COG6: variants seen among roughly 807,000 people sequenced by gnomAD.
COG6 encodes the protein conserved oligomeric Golgi complex subunit 6.
In COG6, 74 loss-of-function variants were observed where a neutral mutation model predicts 88.8. The observed-to-expected ratio is 0.83, with a 90% CI of 0.69 to 1.01. The LOEUF (loss-of-function observed/expected upper bound fraction) is 1.01. Among genes scored for constraint, COG6 ranks in the 50% least tolerant of loss-of-function variants. The pLI is 0.00. For synonymous variants in COG6, 286 were observed against 278.7 expected (o/e 1.03, Z -0.26); for missense variants, 800 against 797.9 (o/e 1.00, Z -0.03).
At chr13:39,708,650 C>T (rs924477398) in intron 13 of COG6, among the ~76,000 whole-genome samples, 16 of 151,992 alleles carry the variant, frequency 1.1e-4, no homozygotes, top group African/African-American at 3.6e-4. Context: ...TTGCCTTTGG[C>T]CTTGATCCGT....
intron 18 of COG6, among the ~76,000 whole-genome samples, chr13:39,772,843 C>G (rs532333094): frequency 6.6e-6 from 1 of 152,252 alleles, no homozygotes; most frequent in African/African-American, 2.4e-5. Context: ...CCAAATGTTC[C>G]AGCCAGAGGC....
At chr13:39,789,482 T>TCTGCTCCACCCTGACTCATTCCAATCAC (rs1881874035) in exon 19 of COG6, 1 of 152,070 alleles carries the variant, frequency 6.6e-6, no homozygotes, top group Non-Finnish European at 1.5e-5. Flanking sequence ...TTTGCGATCA[T>TCTGCTCCACCCTGACTCATTCCAATCAC]CTGCTCCACC....
Position 39,751,213 on chromosome 13 carries a change from T to TGTAA in COG6, c.*123_*126dup. ...TACAGTTTTCTTTGTATCATAAGAT[T>TGTAA]GTAAGTCCCGATAATTTTTTTTTTT... On this transcript the variant is annotated 3_prime_UTR_variant, in exon 19 of 19. Transcript: ENST00000455146. 1 of 1,526,712 alleles carries TGTAA rather than the reference T, an allele frequency of 6.6e-7. No individual in the cohort carries two copies. The highest frequency in any genetic ancestry group is 8.8e-7 in the Non-Finnish European group (1 of 1,140,320). 94.6% of individuals were successfully genotyped at this position (1,526,712 alleles called of 1,614,324 possible).
At chr13:39,708,534 C>T (rs1262284356) in intron 13 of COG6, among the ~76,000 whole-genome samples, 1 of 152,160 alleles carries the variant, frequency 6.6e-6, no homozygotes, top group Non-Finnish European at 1.5e-5. Flanking sequence ...TTTAGGCCTT[C>T]AATCCATCTC....
At chr13:39,740,602 A>G (rs918059642) in intron 18 of COG6, among the ~76,000 whole-genome samples, 5 of 152,068 alleles carry the variant, frequency 3.3e-5, no homozygotes. Context: ...CTGTGTTGAG[A>G]TTATTTTATT....
chr13:39,782,089 C>G (rs1011809493), intron 18 of COG6, among the ~76,000 whole-genome samples: 4 of 152,166 alleles, frequency 2.6e-5, no homozygotes, highest in South Asian at 2.1e-4. Context: ...ACAGAACAAG[C>G]AACCACACAT....
chr13:39,764,319 CTTGG>C (rs1881105458), intron 18 of COG6, among the ~76,000 whole-genome samples: 1 of 125,934 alleles, frequency 7.9e-6, no homozygotes, highest in Admixed American at 9.5e-5. Context: ...CTATGTTTTA[CTTGG>C]TTGATTTTTT....
At chr13:39,764,447 ATAT>A (rs1881109402) in intron 18 of COG6, among the ~76,000 whole-genome samples, 1 of 150,772 alleles carries the variant, frequency 6.6e-6, no homozygotes, top group African/African-American at 2.4e-5. Flanking sequence ...ATGGAAGCTT[ATAT>A]TATTGATTTT....
In COG6 at chr13:39,751,425, A is replaced by G. The variant is rs1880627201; in HGVS notation, c.*332A>G. The G allele has an allele frequency of 7.8e-7, 1 of 1,285,000 alleles. No individual in the cohort carries two copies. Among genetic ancestry groups the G allele is most frequent in the Admixed American group, 2.3e-5 (1 of 43,492 alleles). 79.6% of individuals were successfully genotyped at this position (1,285,000 alleles called of 1,614,324 possible). A position where few individuals can be genotyped will look rare whatever the true frequency, so the allele number is the denominator to read the frequency against. On this transcript the variant is annotated 3_prime_UTR_variant, in exon 19 of 19. Transcript: ENST00000455146. ...TTTTTTTTTACAAGACTAGTTCTAA[A>G]TTAACAGCTTATAAAAAATTTGTCT...
chr13:39,721,945 G>A (rs955395704), intron 15 of COG6, among the ~76,000 whole-genome samples: 7 of 151,922 alleles, frequency 4.6e-5, no homozygotes, highest in African/African-American at 1.7e-4. Context: ...TTGCATCTTG[G>A]ACTTTGGAGA....
intron 18 of COG6, among the ~76,000 whole-genome samples, chr13:39,766,561 C>T (rs1050818056): frequency 3.3e-5 from 5 of 152,050 alleles, no homozygotes; most frequent in Admixed American, 6.5e-5. Context: ...CCATCCCATA[C>T]TCCCTCCTAA....
At chr13:39,778,255 A>G (rs1012634164) in intron 18 of COG6, among the ~76,000 whole-genome samples, 14 of 152,218 alleles carry the variant, frequency 9.2e-5, no homozygotes, top group Non-Finnish European at 1.5e-5. Flanking sequence ...CTGACTAATT[A>G]TAATTGTAAC....
intron 12 of COG6, among the ~76,000 whole-genome samples, chr13:39,698,733 C>T (rs1265498955): frequency 1.3e-5 from 2 of 151,620 alleles, no homozygotes; most frequent in East Asian, 1.9e-4. Context: ...ATTATAATTC[C>T]TTACTGGATT....
In COG6 at chr13:39,723,373, C is replaced by T. The variant is rs1878955727; in HGVS notation, c.1625C>T (p.Ser542Phe). 2 of 1,611,654 alleles carry T rather than the reference C, an allele frequency of 1.2e-6. No homozygotes were observed. Among genetic ancestry groups the T allele is most frequent in the Admixed American group, 1.7e-5 (1 of 59,882 alleles). ...GACACACTTATAAATGAGCAAGCCT[C>T]TTATGTTTTAACTAGGGTAGGCTTG... ...HLDTLINEQASYVLTRVGLSY... is the reference protein window; with the variant it reads ...HLDTLINEQAFYVLTRVGLSY... Residue 542 changes from serine to phenylalanine, a missense_variant, in exon 16 of 19, where the codon TCT (serine) becomes TTT (phenylalanine). Ser to Phe is a radical substitution (Grantham distance 155). Transcript: ENST00000455146.
chr13:39,775,704 A>C (rs541267236), intron 18 of COG6, among the ~76,000 whole-genome samples: 2 of 152,288 alleles, frequency 1.3e-5, no homozygotes, highest in South Asian at 4.1e-4. Flanking sequence ...AAATTAAAGC[A>C]TCTGGAATCC....
At chr13:39,658,610 T>G (rs1241263060) in intron 1 of COG6, among the ~76,000 whole-genome samples, 1 of 152,238 alleles carries the variant, frequency 6.6e-6, no homozygotes, top group Non-Finnish European at 1.5e-5. Context: ...ATAAATCGTA[T>G]TACATTACTC....
chr13:39,674,064 A>AT (rs1028679498), intron 4 of COG6, among the ~76,000 whole-genome samples: 3 of 151,562 alleles, frequency 2.0e-5, no homozygotes, highest in Non-Finnish European at 4.4e-5. Context: ...TTTATTTTTA[A>AT]TTTTTTTTAA....
intron 3 of COG6, among the ~76,000 whole-genome samples, chr13:39,661,267 A>T (rs1444052654): frequency 1.3e-5 from 2 of 152,190 alleles, no homozygotes; most frequent in Non-Finnish European, 2.9e-5. Flanking sequence ...CATAACCTTA[A>T]AAAATTCTGG....
Position 39,752,266 on chromosome 13 carries a change from C to A in COG6, c.*1173C>A. On this transcript the variant is annotated 3_prime_UTR_variant, in exon 19 of 19. Coordinates refer to ENST00000455146, the MANE Select transcript of COG6 (RefSeq NM_020751.3). ...TTTGAAATATTTTGAAAAGTAATAA[C>A]ATAAAACTAGTATTTGTAGAAGATT... 1 of 921,352 alleles carries A rather than the reference C, an allele frequency of 1.1e-6. No homozygotes were observed. Among genetic ancestry groups the A allele is most frequent in the Admixed American group, 3.7e-5 (1 of 26,904 alleles). The allele number at this position is 921,352 out of a possible 1,614,324, so 57.1% of individuals were successfully genotyped here.
Sources: allele counts gnomAD v4.1 joint callset (sites outside exome capture counted in the v4.1 genomes callset), GRCh38; gene constraint gnomAD v4.1.1; transcripts MANE v1.5; gene names NCBI Gene and HGNC (gene_info 2026-07-23, HGNC 2026-07-21).